HCN1: variants seen among roughly 807,000 people sequenced by gnomAD.
HCN1 encodes hyperpolarization activated cyclic nucleotide gated potassium channel 1.
HCN1 carries 13 observed loss-of-function variants against 78.9 expected under a neutral mutation model. That is an observed-to-expected ratio of 0.16 (90% CI 0.11 to 0.26). HCN1 has a LOEUF of 0.26. Among genes scored for constraint, HCN1 ranks in the 10% least tolerant of loss-of-function variants. The probability of loss-of-function intolerance (pLI) is 1.00; values close to 1 mark genes in which losing one functional copy is unlikely to be tolerated. For missense variants in HCN1, 810 were observed against 1,154.3 expected (o/e 0.70, Z 4.32); for synonymous variants, 552 against 455.5 (o/e 1.21, Z -2.70).
At chr5:45,272,191 G>A (rs1326857209) in intron 6 of HCN1, among the ~76,000 whole-genome samples, 10 of 152,020 alleles carry the variant, frequency 6.6e-5, no homozygotes, top group African/African-American at 2.4e-4. Context: ...TACTTATTGA[G>A]TAAACACAGC....
At chr5:45,693,781 G>C (rs922460582) in intron 1 of HCN1, among the ~76,000 whole-genome samples, 3 of 151,602 alleles carry the variant, frequency 2.0e-5, no homozygotes, top group Admixed American at 6.6e-5. Context: ...ATTTTGATAA[G>C]GGATAGTCCT....
rs533370391 is a variant in HCN1 at position 45,384,051 on chromosome 5, T to A, written c.1230+12441A>T. 5.3e-5 allele frequency among the ~76,000 whole-genome samples: 8 copies of A among 152,278 alleles called. No individual in the cohort carries two copies. The East Asian group carries it at 1.5e-3, about 29-fold the overall frequency. ...GTTCTGTATCCTAGAAAAAGTTTTA[T>A]AATTAATTTTTGCCACAAATTCTCT... is the stretch of plus-strand genomic sequence containing the variant. On this transcript the variant is annotated intron_variant, in intron 4 of 7. Transcript: ENST00000303230.
At chr5:45,455,256 C>A (rs1741006701) in intron 3 of HCN1, among the ~76,000 whole-genome samples, 1 of 152,028 alleles carries the variant, frequency 6.6e-6, no homozygotes, top group African/African-American at 2.4e-5. Context: ...AGCACTTGAA[C>A]CATGCTCTTT....
At chr5:45,348,687 CA>C (rs1746807342) in intron 5 of HCN1, among the ~76,000 whole-genome samples, 1 of 151,812 alleles carries the variant, frequency 6.6e-6, no homozygotes, top group Admixed American at 6.6e-5. Flanking sequence ...ATCTACCAAG[CA>C]AATGGAAAAC....
chr5:45,680,407 C>T (rs1482125545), intron 1 of HCN1, among the ~76,000 whole-genome samples: 1 of 151,884 alleles, frequency 6.6e-6, no homozygotes, highest in Non-Finnish European at 1.5e-5. Flanking sequence ...TACATAATAC[C>T]TCCTTTCTAT....
intron 5 of HCN1, among the ~76,000 whole-genome samples, chr5:45,309,172 T>G (rs1342860246): frequency 6.6e-6 from 1 of 152,178 alleles, no homozygotes; most frequent in African/African-American, 2.4e-5. Flanking sequence ...AGCTTGACTG[T>G]TGTTGGTGTA....
chr5:45,689,895 TATC>T (rs1288545458), intron 1 of HCN1, among the ~76,000 whole-genome samples: 1 of 152,132 alleles, frequency 6.6e-6, no homozygotes, highest in Non-Finnish European at 1.5e-5. Context: ...AGCCTGTAAA[TATC>T]ATAACAGGAA....
Position 45,374,512 on chromosome 5 carries a change from C to G in HCN1, c.1231-21266G>C, listed in dbSNP as rs552829915. Among the ~76,000 whole-genome samples the G allele has an allele frequency of 3.3e-5, 5 of 149,506 alleles. No individual in the cohort carries two copies. In the Admixed American group the frequency reaches 3.4e-4, roughly 10 times the overall value. ...TCAAAATTCAATCAGTAATAAAATC[C>G]TGCCAACCACAAAAAGCCCAGGACC... On this transcript the variant is annotated intron_variant, in intron 4 of 7. Transcript: ENST00000303230.
At chr5:45,667,462 CTA>C (rs1746071269) in intron 1 of HCN1, among the ~76,000 whole-genome samples, 1 of 151,914 alleles carries the variant, frequency 6.6e-6, no homozygotes, top group Admixed American at 6.6e-5. Context: ...ACACTGAAAA[CTA>C]TAATTCCAAG....
chr5:45,396,812 G>A, intron 3 of HCN1, 102 bp from the exon 4 acceptor site: 1 of 855,854 alleles, frequency 1.2e-6, no homozygotes, highest in Non-Finnish European at 2.0e-6. Context: ...ACTGAATACT[G>A]GAAAAATCCT....
chr5:45,535,448 A>C (rs1384160191), intron 2 of HCN1, among the ~76,000 whole-genome samples: 1 of 152,076 alleles, frequency 6.6e-6, no homozygotes, highest in Non-Finnish European at 1.5e-5. Flanking sequence ...AAATACAAAA[A>C]TTAGCTGGGT....
At chr5:45,632,553 T>C (rs1490958071) in intron 2 of HCN1, among the ~76,000 whole-genome samples, 1 of 151,960 alleles carries the variant, frequency 6.6e-6, no homozygotes, top group Non-Finnish European at 1.5e-5. Flanking sequence ...ACAGCTGGGA[T>C]CCTTTGACCT....
intron 2 of HCN1, among the ~76,000 whole-genome samples, chr5:45,468,900 A>G (rs1195607252): frequency 6.6e-6 from 1 of 152,046 alleles, no homozygotes; most frequent in Non-Finnish European, 1.5e-5. Context: ...TCAACTAACA[A>G]ATCAATTTGT....
At chr5:45,535,270 A>G (rs1742941597) in intron 2 of HCN1, among the ~76,000 whole-genome samples, 1 of 152,162 alleles carries the variant, frequency 6.6e-6, no homozygotes, top group African/African-American at 2.4e-5. Context: ...GTCTTAATAT[A>G]TTATTTGATG....
chr5:45,674,063 C>G (rs1277119583), intron 1 of HCN1, among the ~76,000 whole-genome samples: 6 of 151,392 alleles, frequency 4.0e-5, no homozygotes, highest in Admixed American at 2.6e-4. Flanking sequence ...TTATTATACT[C>G]AGCTTTCCAT....
chr5:45,479,015 G>C (rs1741586085), intron 2 of HCN1, among the ~76,000 whole-genome samples: 1 of 151,946 alleles, frequency 6.6e-6, no homozygotes, highest in South Asian at 2.1e-4. Flanking sequence ...CAGCTACACA[G>C]GAGGCTGAGA....
chr5:45,262,955 A>G, intron 7 of HCN1, 145 bp from the exon 8 acceptor site: 6 of 795,428 alleles, frequency 7.5e-6, no homozygotes, highest in Non-Finnish European at 1.0e-5. Flanking sequence ...TACACACCAA[A>G]TACCAATGTG....
chr5:45,549,414 T>A (rs1324384942), intron 2 of HCN1, among the ~76,000 whole-genome samples: 1 of 152,114 alleles, frequency 6.6e-6, no homozygotes, highest in Non-Finnish European at 1.5e-5. Flanking sequence ...CCCTATTTAA[T>A]AAATGGTGCT....
chr5:45,628,132 T>A (rs769145022), intron 2 of HCN1, among the ~76,000 whole-genome samples: 4 of 152,304 alleles, frequency 2.6e-5, no homozygotes, highest in Admixed American at 6.5e-5. Flanking sequence ...AAGCAAACAA[T>A]AAATTGCCAA....
Sources: allele counts gnomAD v4.1 joint callset (sites outside exome capture counted in the v4.1 genomes callset), GRCh38; gene constraint gnomAD v4.1.1; transcripts MANE v1.5; gene names NCBI Gene and HGNC (gene_info 2026-07-23, HGNC 2026-07-21).